Variants in MTCH2 observed in about 807,000 individuals in gnomAD.
MTCH2 encodes the protein mitochondrial carrier homolog 2.
A neutral mutation model predicts 50.6 loss-of-function variants in MTCH2; 25 were observed. That is an observed-to-expected ratio of 0.49 (90% confidence interval 0.36 to 0.69). The LOEUF is 0.69. MTCH2 is among the 30% of genes least tolerant of loss of function. The pLI, the probability that MTCH2 is intolerant of heterozygous loss-of-function variation, is 0.00. For missense variants in MTCH2, 273 were observed against 384.4 expected (o/e 0.71, Z 2.42); for synonymous variants, 106 against 132.0 (o/e 0.80, Z 1.35).
the MTCH2 span, among the ~76,000 whole-genome samples, chr11:47,610,845 G>C: frequency 6.6e-6 from 1 of 152,106 alleles, no homozygotes; most frequent in African/African-American, 2.4e-5. Context: ...TGCCACCCAA[G>C]ATCCCCACTA....
chr11:47,606,890 G>A, the MTCH2 span, among the ~76,000 whole-genome samples: 3 of 152,184 alleles, frequency 2.0e-5, no homozygotes, highest in Non-Finnish European at 2.9e-5. Flanking sequence ...CTAGCTGGGC[G>A]AGACTGTAGT....
At chr11:47,628,481 T>C (rs753537020) in intron 9 of MTCH2, among the ~76,000 whole-genome samples, 29 of 152,382 alleles carry the variant, frequency 1.9e-4, no homozygotes, top group Non-Finnish European at 3.7e-4. Flanking sequence ...GTGAACAGTA[T>C]GCTCATTTCA....
rs1458404591 is a variant in MTCH2, at chr11:47,617,519, A to AC, written c.*1313dup. ...TCCTAAACCCCAGGGGAGGGAAGAG[A>AC]CCCCTGCATTCTCGTTCTGTCTAAT... On this transcript the variant is annotated 3_prime_UTR_variant, in exon 13 of 13. Transcript: ENST00000302503. 6.6e-6 allele frequency: 1 copy of AC among 152,574 alleles called. No homozygotes were observed. Among genetic ancestry groups the AC allele is most frequent in the Middle Eastern group, 3.4e-3 (1 of 294 alleles). The allele number at this position is 152,574 out of a possible 1,614,324, so 9.5% of individuals were successfully genotyped here. A position where few individuals can be genotyped will look rare whatever the true frequency, so the allele number is the denominator to read the frequency against.
intron 8 of MTCH2, chr11:47,629,365 T>C (rs1598843152): frequency 3.6e-6 from 1 of 277,218 alleles, no homozygotes; most frequent in Non-Finnish European, 7.1e-6. Context: ...GAGACTTAAA[T>C]ATTGTTTTGC....
In MTCH2 at chr11:47,634,679, A is replaced by G; in HGVS notation, c.362T>C (p.Ile121Thr). ...KEVSSSFDHV[I>T]KETTREMIAR... The stretch of plus-strand genomic sequence containing the variant: ...ATGTAATTCATCTCTTACCTCCTTG[A>G]TAACGTGGTCAAAGGAAGATGAGAC... Residue 121 changes from isoleucine (I) to threonine (T), a missense_variant, in exon 5 of 13, where the codon ATC (isoleucine) becomes ACC (threonine). Around this residue, in one of 2 missense-constraint regions of MTCH2, gnomAD observed 203 missense variants for 244.3 expected, o/e 0.83. Coordinates refer to ENST00000302503, the MANE Select transcript of MTCH2 (RefSeq NM_014342.4). The G allele has an allele frequency of 1.2e-6, 2 of 1,610,384 alleles. No homozygotes were observed. Among genetic ancestry groups the G allele is most frequent in the Non-Finnish European group, 1.7e-6 (2 of 1,177,288 alleles).
chr11:47,623,585 T>C (rs964454568), intron 11 of MTCH2, among the ~76,000 whole-genome samples: 5 of 152,128 alleles, frequency 3.3e-5, no homozygotes, highest in Non-Finnish European at 5.9e-5. Flanking sequence ...TGGCAGTTGC[T>C]CTACGTATCA....
chr11:47,637,428 T>C (rs958056155), intron 3 of MTCH2, among the ~76,000 whole-genome samples: 1 of 152,320 alleles, frequency 6.6e-6, no homozygotes, highest in African/African-American at 2.4e-5. Context: ...AGAGAATTGA[T>C]ATTAAGACTG....
rs1195129141 is a variant in MTCH2 at position 47,638,962 on chromosome 11, C to T, written c.172+5G>A. 1.2e-6 allele frequency: 2 copies of T among 1,609,914 alleles called. No individual in the cohort carries two copies. The highest frequency in any genetic ancestry group is 1.3e-5 in the African/African-American group (1 of 74,680). On this transcript the variant is annotated splice_donor_5th_base_variant and intron_variant, in intron 2 of 12. Transcript: ENST00000302503. The stretch of plus-strand genomic sequence containing the variant: ...TGCAAACCCAAATAAATCAAAGGCA[C>T]TTACCATAACTAAAGAGACCAGGAA...
At position 47,621,959 on chromosome 11, in the gene MTCH2, T is replaced by G. The variant is rs1446038566; in HGVS notation, c.825+742A>C. Among the ~76,000 whole-genome samples the G allele has an allele frequency of 2.6e-5, 4 of 152,100 alleles. No individual in the cohort carries two copies. The East Asian group carries it at 5.8e-4, about 22-fold the overall frequency. On this transcript the variant is annotated intron_variant, in intron 12 of 12. Coordinates refer to ENST00000302503, the MANE Select transcript of MTCH2 (RefSeq NM_014342.4). Reference sequence around the variant, plus strand: ...ATCTTGGCTCACTGCAGCCTTGACCTCCTGGGCTCAGGTGATCCTCCCACC... The same window carrying G: ...ATCTTGGCTCACTGCAGCCTTGACCGCCTGGGCTCAGGTGATCCTCCCACC...
chr11:47,606,093 G>C, the MTCH2 span, among the ~76,000 whole-genome samples: 2 of 152,168 alleles, frequency 1.3e-5, no homozygotes, highest in Admixed American at 1.3e-4. Context: ...ATTGGCAAAG[G>C]TCCCTGGATC....
chr11:47,606,906 G>A, the MTCH2 span, among the ~76,000 whole-genome samples: 1 of 152,204 alleles, frequency 6.6e-6, no homozygotes, highest in African/African-American at 2.4e-5. Flanking sequence ...GTAGTTACCA[G>A]GACAGGGCAG....
At chr11:47,631,537 G>A in intron 6 of MTCH2, 117 bp downstream of exon 6, 2 of 972,598 alleles carry the variant, frequency 2.1e-6, no homozygotes. Flanking sequence ...GCCAAAACAA[G>A]CAAGCAAACA....
intron 3 of MTCH2, among the ~76,000 whole-genome samples, chr11:47,635,914 G>A (rs1292559839): frequency 6.6e-6 from 1 of 151,748 alleles, no homozygotes; most frequent in African/African-American, 2.4e-5. Context: ...GATCACCTGA[G>A]GTCAGGAGTT....
At chr11:47,613,936 A>C (rs1354291513), downstream of MTCH2, among the ~76,000 whole-genome samples, 1 of 152,088 alleles carries the variant, frequency 6.6e-6, no homozygotes, top group African/African-American at 2.4e-5. Flanking sequence ...ATACAAAAAA[A>C]TGAGCCGCGG....
chr11:47,608,510 CCTGT>C, the MTCH2 span, among the ~76,000 whole-genome samples: 1 of 152,048 alleles, frequency 6.6e-6, no homozygotes, highest in African/African-American at 2.4e-5. Flanking sequence ...TATAAATAGC[CCTGT>C]CTCTCAGCTC....
intron 1 of MTCH2, among the ~76,000 whole-genome samples, chr11:47,639,345 A>G (rs1268059903): frequency 6.6e-6 from 1 of 152,238 alleles, no homozygotes; most frequent in Non-Finnish European, 1.5e-5. Context: ...TAGGAAAGCT[A>G]CAGTTTACTA....
chr11:47,638,520 T>TG (rs1221090074), intron 3 of MTCH2, among the ~76,000 whole-genome samples, 179 bp downstream of exon 3: 1 of 102,630 alleles, frequency 9.7e-6, no homozygotes, highest in African/African-American at 4.0e-5. Context: ...CACTCCAGCC[T>TG]GGGCGACAGA....
chr11:47,622,359 GA>G (rs2097294063), intron 12 of MTCH2, among the ~76,000 whole-genome samples: 3 of 152,016 alleles, frequency 2.0e-5, no homozygotes, highest in Admixed American at 1.3e-4. Context: ...GAGTTTGGGG[GA>G]AAAAAAGAGT....
downstream of MTCH2, among the ~76,000 whole-genome samples, chr11:47,615,364 G>A (rs2097287785): frequency 1.3e-5 from 2 of 152,136 alleles, no homozygotes; most frequent in African/African-American, 4.8e-5. Context: ...CTTGGTGTTG[G>A]ATGTAGTTTT....
Sources: gnomAD v4.1 joint callset for allele counts (sites outside exome capture counted in the v4.1 genomes callset) on GRCh38, gnomAD v4.1.1 for gene constraint, gnomAD v4.1.1 regional missense constraint, MANE v1.5 for transcripts, NCBI Gene and HGNC (gene_info 2026-07-23, HGNC 2026-07-21) for gene names.